The following AGBL1 variants were observed in gnomAD, a reference collection of about 807,000 sequenced individuals.
AGBL1 encodes the protein cytosolic carboxypeptidase 4.
A neutral mutation model predicts 118.9 loss-of-function variants in AGBL1; 130 were observed. That is an observed-to-expected ratio of 1.09 (90% CI 0.95 to 1.26). The LOEUF is 1.26. Ranked by LOEUF, AGBL1 falls within the 50% of genes most tolerant of loss-of-function variation. The pLI, the probability that AGBL1 is intolerant of heterozygous loss-of-function variation, is 0.00. For missense variants in AGBL1, 1,584 were observed against 1,298.1 expected, an observed-to-expected ratio of 1.22 and a Z score of -3.38; for synonymous variants, 555 against 478.9, an observed-to-expected ratio of 1.16 and a Z score of -2.08.
intron 16 of AGBL1, among the ~76,000 whole-genome samples, chr15:86,288,527 A>G (rs2079491308): frequency 6.6e-6 from 1 of 152,068 alleles, no homozygotes; most frequent in Non-Finnish European, 1.5e-5. Flanking sequence ...TGCTGTTTCG[A>G]AAACCATTTT....
chr15:86,394,168 G>A (rs1452369714), intron 17 of AGBL1, among the ~76,000 whole-genome samples: 1 of 152,134 alleles, frequency 6.6e-6, no homozygotes, highest in Non-Finnish European at 1.5e-5. Flanking sequence ...GTTAAAAATG[G>A]TGAGGCTGGA....
intron 17 of AGBL1, among the ~76,000 whole-genome samples, chr15:86,318,473 A>G (rs990325455): frequency 2.6e-5 from 4 of 151,514 alleles, no homozygotes; most frequent in African/African-American, 7.3e-5. Context: ...ATCCTTTGAC[A>G]TATATCTTTT....
chr15:86,297,917 C>G (rs914861538), intron 17 of AGBL1, among the ~76,000 whole-genome samples: 13 of 152,150 alleles, frequency 8.5e-5, no homozygotes, highest in African/African-American at 3.1e-4. Context: ...ATAACTTCCT[C>G]TCTTCCTCAT....
chr15:86,502,721 G>A (rs950729306), intron 18 of AGBL1, among the ~76,000 whole-genome samples: 1 of 151,124 alleles, frequency 6.6e-6, no homozygotes, highest in Admixed American at 6.6e-5. Context: ...TTACATTGAT[G>A]GATTTACATA....
chr15:86,946,425 T>C (rs1303903344), intron 23 of AGBL1: 1 of 152,212 alleles, frequency 6.6e-6, no homozygotes, highest in Non-Finnish European at 1.5e-5. Flanking sequence ...CTAGTTTATA[T>C]AGTATATATA....
chr15:86,745,148 C>G (rs1187591638), intron 22 of AGBL1, among the ~76,000 whole-genome samples: 1 of 152,004 alleles, frequency 6.6e-6, no homozygotes, highest in Non-Finnish European at 1.5e-5. Flanking sequence ...ATGTTTAATT[C>G]AAGGAATGAC....
At chr15:86,835,990 G>A (rs2079165930) in intron 22 of AGBL1, among the ~76,000 whole-genome samples, 1 of 152,140 alleles carries the variant, frequency 6.6e-6, no homozygotes, top group African/African-American at 2.4e-5. Context: ...CATCAAGTCT[G>A]CTATTGAACA....
intron 18 of AGBL1, among the ~76,000 whole-genome samples, chr15:86,520,074 A>C (rs544124494): frequency 6.6e-6 from 1 of 152,296 alleles, no homozygotes; most frequent in Admixed American, 6.5e-5. Flanking sequence ...TAGTCAAGAC[A>C]CTTCTCCCTT....
At chr15:86,528,306 G>T (rs7497170) in intron 19 of AGBL1, among the ~76,000 whole-genome samples, 12 of 152,354 alleles carry the variant, frequency 7.9e-5, no homozygotes, top group African/African-American at 2.9e-4. Flanking sequence ...GAAGCGCAAG[G>T]GGTCAGGGAG....
intron 22 of AGBL1, among the ~76,000 whole-genome samples, chr15:86,687,636 G>A (rs114066945): frequency 0.035 from 5,389 of 152,258 alleles, 122 homozygotes; most frequent in Middle Eastern, 0.092. Flanking sequence ...GCAGAAGTAT[G>A]AGTGCCATAA....
At chr15:86,858,784 T>G (rs1169356039) in intron 22 of AGBL1, among the ~76,000 whole-genome samples, 1 of 151,718 alleles carries the variant, frequency 6.6e-6, no homozygotes, top group Non-Finnish European at 1.5e-5. Flanking sequence ...GGGGATGGAG[T>G]GTGTACTTGT....
chr15:87,003,014 G>T (rs956256070), intron 24 of AGBL1, among the ~76,000 whole-genome samples: 2 of 152,154 alleles, frequency 1.3e-5, no homozygotes, highest in African/African-American at 4.8e-5. Context: ...CCAACACTAT[G>T]TTGAATAGGA....
At position 86,589,426 on chromosome 15, in the gene AGBL1, A is replaced by G. The variant is rs543716975; in HGVS notation, c.2994+34889A>G. Among the ~76,000 whole-genome samples, 88 of 152,302 alleles carry G rather than the reference A, an allele frequency of 5.8e-4. 1 individual carries two copies. In the South Asian group the frequency reaches 0.018, roughly 31 times the overall value. ...GTCACATAGCCCATGATAAATGGTT[A>G]AATTTGTAGACATTTTGTGCCTTAA... is the stretch of plus-strand genomic sequence containing the variant. On this transcript the variant is annotated intron_variant, in intron 21 of 22. Coordinates refer to ENST00000614907, the MANE Select transcript of AGBL1 (RefSeq NM_001386094.1).
chr15:87,005,967 C>A (rs8040808), intron 24 of AGBL1, among the ~76,000 whole-genome samples: 1 of 152,082 alleles, frequency 6.6e-6, no homozygotes, highest in Admixed American at 6.5e-5. Context: ...CACTCCAGAC[C>A]CTGTTTGCCT....
At chr15:86,904,440 A>T (rs1201468585) in intron 22 of AGBL1, among the ~76,000 whole-genome samples, 1 of 150,790 alleles carries the variant, frequency 6.6e-6, no homozygotes, top group African/African-American at 2.4e-5. Flanking sequence ...AAAGTCCTTG[A>T]ATATGTATCT....
At position 86,980,309 on chromosome 15, in the gene AGBL1, G is replaced by A. The variant is rs562697097; in HGVS notation, c.3222-7678G>A. On this transcript the variant is annotated intron_variant, in intron 23 of 24. Coordinates refer to the AGBL1 transcript ENST00000441037. ...GCTGATTGCTTTTTTGTGTGTTATTGTGATTTTAAACTATATTTAATGTTC... is the reference window on the plus strand; with the variant it reads ...GCTGATTGCTTTTTTGTGTGTTATTATGATTTTAAACTATATTTAATGTTC... Among the ~76,000 whole-genome samples, 133 of 152,268 alleles carry A rather than the reference G, an allele frequency of 8.7e-4. 2 individuals are homozygous for A. Among genetic ancestry groups the A allele is most frequent in the Non-Finnish European group, 3.2e-4 (22 of 68,020 alleles).
intron 22 of AGBL1, among the ~76,000 whole-genome samples, chr15:86,797,442 T>C (rs1204152025): frequency 6.6e-6 from 1 of 152,216 alleles, no homozygotes; most frequent in Non-Finnish European, 1.5e-5. Flanking sequence ...CTGGTTTCTC[T>C]TCCTCATGCC....
chr15:86,123,520 G>A (rs1372351806), intron 1 of AGBL1, among the ~76,000 whole-genome samples: 2 of 152,200 alleles, frequency 1.3e-5, no homozygotes, highest in South Asian at 4.1e-4. Context: ...GATTATAGGC[G>A]TGAGATACCA....
intron 24 of AGBL1, among the ~76,000 whole-genome samples, chr15:87,014,140 T>C (rs1231012209): frequency 2.0e-5 from 3 of 152,234 alleles, no homozygotes; most frequent in Non-Finnish European, 2.9e-5. Context: ...ATATGAATCA[T>C]GATATAGCCC....
Sources: gnomAD v4.1 joint callset for allele counts (sites outside exome capture counted in the v4.1 genomes callset) on GRCh38, gnomAD v4.1.1 for gene constraint, MANE v1.5 for transcripts, NCBI Gene and HGNC (gene_info 2026-07-23, HGNC 2026-07-21) for gene names.